Variants in BLM observed in about 807,000 individuals in gnomAD.
BLM encodes BLM RecQ like helicase.
In BLM, 95 loss-of-function variants were observed where a neutral mutation model predicts 135.3. The observed-to-expected ratio is 0.70, with a 90% confidence interval of 0.59 to 0.83. The LOEUF (loss-of-function observed/expected upper bound fraction) is 0.83, where lower values mean the gene tolerates loss of function less well. Ranked by LOEUF, BLM falls within the 40% of genes least tolerant of loss-of-function variation. BLM has a pLI of 0.00. For missense variants in BLM, 1,518 were observed against 1,663.9 expected, an observed-to-expected ratio of 0.91 and a Z score of 1.53; for synonymous variants, 520 against 589.2, an observed-to-expected ratio of 0.88 and a Z score of 1.70.
At chr15:90,737,278 T>G (rs961899326) in intron 1 of BLM, among the ~76,000 whole-genome samples, 2 of 152,110 alleles carry the variant, frequency 1.3e-5, no homozygotes, top group African/African-American at 4.8e-5. Flanking sequence ...TTTCTATGAA[T>G]TTTAAGATAG....
intron 1 of BLM, among the ~76,000 whole-genome samples, chr15:90,726,884 A>ATGGGG (rs1449362718): frequency 6.6e-6 from 1 of 152,200 alleles, no homozygotes; most frequent in Non-Finnish European, 1.5e-5. Context: ...ATAGTGCTGC[A>ATGGGG]GTAAGCATGG....
intron 9 of BLM, among the ~76,000 whole-genome samples, 191 bp from the exon 10 acceptor site, chr15:90,766,719 C>T (rs1025407843): frequency 6.6e-6 from 1 of 152,186 alleles, no homozygotes. Context: ...TGAGCCACCA[C>T]GCCCTGCCTG....
Position 90,760,209 on chromosome 15 carries a change from G to A in BLM, c.1150G>A (p.Asp384Asn), listed in dbSNP as rs1895934142. Residue 384 changes from aspartate (D) to asparagine (N), a missense_variant, in exon 6 of 22, where the codon GAT (aspartate) becomes AAT (asparagine). Physicochemically the swap from Asp to Asn is conservative, Grantham distance 23 (BLOSUM62 1). Around this residue, in one of 5 missense-constraint regions of BLM, gnomAD observed 724 missense variants for 756.9 expected, o/e 0.96. Transcript: ENST00000355112. ...GATGGAGCACATCTGTAAATTAATT[G>A]ATACTATTCCTGATGATAAACTGAA... ...HVMEHICKLIDTIPDDKLKLL... is the reference protein window; with the variant it reads ...HVMEHICKLINTIPDDKLKLL... 6.2e-7 allele frequency: 1 copy of A among 1,613,428 alleles called. No individual in the cohort carries two copies. Among genetic ancestry groups the A allele is most frequent in the Non-Finnish European group, 8.5e-7 (1 of 1,179,590 alleles).
At chr15:90,734,722 GAGAGAGAGAGACT>G (rs1895164769) in intron 1 of BLM, among the ~76,000 whole-genome samples, 1 of 150,058 alleles carries the variant, frequency 6.7e-6, no homozygotes, top group South Asian at 2.1e-4. Flanking sequence ...GAGAGAGAGA[GAGAGAGAGAGACT>G]TTATTCCTAA....
intron 18 of BLM, 111 bp from the exon 19 acceptor site, chr15:90,804,056 A>G (rs1172639641): frequency 9.7e-6 from 10 of 1,036,252 alleles, no homozygotes; most frequent in South Asian, 7.1e-5. Flanking sequence ...CACTATCTGC[A>G]TGACAGAATA....
intron 13 of BLM, among the ~76,000 whole-genome samples, chr15:90,783,168 A>G (rs893644172): frequency 2.1e-4 from 32 of 152,212 alleles, no homozygotes; most frequent in African/African-American, 7.2e-4. Flanking sequence ...CACGTATATT[A>G]TAACTTTTGG....
At chr15:90,736,119 C>T (rs985431236) in intron 1 of BLM, among the ~76,000 whole-genome samples, 3 of 152,182 alleles carry the variant, frequency 2.0e-5, no homozygotes, top group Non-Finnish European at 4.4e-5. Context: ...TCACAAGAAG[C>T]CCCATTGGTG....
At chr15:90,796,307 G>A (rs1357937286) in intron 16 of BLM, among the ~76,000 whole-genome samples, 2 of 152,144 alleles carry the variant, frequency 1.3e-5, no homozygotes, top group Non-Finnish European at 2.9e-5. Context: ...TTAAAGCATG[G>A]CCATCAGCTG....
In BLM at chr15:90,760,863, A is replaced by C. The variant is rs368547042; in HGVS notation, c.1490A>C (p.Gln497Pro). The change falls in exon 7 of 22, where the codon CAG (glutamine) becomes CCG (proline). Residue 497 changes from glutamine (Q) to proline (P), a missense_variant. By Grantham distance (76) the Gln-to-Pro change is moderately conservative. This residue lies in a region of BLM where 724 missense variants were observed against 756.9 expected (regional missense o/e 0.96). Coordinates refer to ENST00000355112, the MANE Select transcript of BLM (RefSeq NM_000057.4). ...FERPLFNTHLQKSFVSSNWAE... is the reference protein window; with the variant it reads ...FERPLFNTHLPKSFVSSNWAE... ...AGGCCTTTATTCAATACCCATTTACAGAAGTCCTTTGTAAGTAGCAACTGG... is the reference window on the plus strand; with the variant it reads ...AGGCCTTTATTCAATACCCATTTACCGAAGTCCTTTGTAAGTAGCAACTGG... The C allele has an allele frequency of 2.6e-5, 42 of 1,614,128 alleles. No homozygotes were observed. The Admixed American group carries it at 7.0e-4, about 27-fold the overall frequency.
At chr15:90,757,379 C>G (rs1377614385) in intron 5 of BLM, among the ~76,000 whole-genome samples, 1 of 152,148 alleles carries the variant, frequency 6.6e-6, no homozygotes, top group East Asian at 1.9e-4. Flanking sequence ...GACAAGGAGT[C>G]TTGGGCTAGT....
intron 15 of BLM, 134 bp from the exon 16 acceptor site, chr15:90,794,033 C>A: frequency 1.8e-6 from 1 of 552,538 alleles, no homozygotes; most frequent in South Asian, 3.3e-5. Context: ...TATAGAATGC[C>A]ATGTTGACAA....
At chr15:90,784,736 CCACAT>C (rs1896701539) in intron 13 of BLM, among the ~76,000 whole-genome samples, 180 bp from the exon 14 acceptor site, 1 of 151,986 alleles carries the variant, frequency 6.6e-6, no homozygotes, top group Admixed American at 6.6e-5. Context: ...GGATTAAAAG[CCACAT>C]CTCATTTCCA....
At chr15:90,807,394 T>G (rs1897308589) in intron 19 of BLM, among the ~76,000 whole-genome samples, 1 of 152,110 alleles carries the variant, frequency 6.6e-6, no homozygotes. Flanking sequence ...TGGGTTTTTT[T>G]TGTTTTGCTT....
chr15:90,779,445 A>G (rs146385308), intron 12 of BLM, among the ~76,000 whole-genome samples: 1 of 152,318 alleles, frequency 6.6e-6, no homozygotes, highest in African/African-American at 2.4e-5. Flanking sequence ...GGAGAGACTC[A>G]TGCACCGTTT....
At chr15:90,772,922 A>G (rs1596242110) in intron 12 of BLM, among the ~76,000 whole-genome samples, 2 of 150,864 alleles carry the variant, frequency 1.3e-5, no homozygotes, top group Non-Finnish European at 1.5e-5. Flanking sequence ...ACAAGGAGAA[A>G]CCCCGTCTCT....
intron 1 of BLM, among the ~76,000 whole-genome samples, chr15:90,730,742 G>A (rs991639827): frequency 2.0e-5 from 3 of 152,042 alleles, no homozygotes; most frequent in African/African-American, 2.4e-5. Flanking sequence ...CACCATGCCC[G>A]GCGTGATAAG....
chr15:90,719,508 C>T (rs1038303291), intron 1 of BLM, among the ~76,000 whole-genome samples: 4 of 152,092 alleles, frequency 2.6e-5, no homozygotes, highest in East Asian at 3.9e-4. Context: ...GGCTGAGGCA[C>T]GAGAATCGCT....
chr15:90,812,897 A>G (rs1300142656), intron 21 of BLM, among the ~76,000 whole-genome samples: 1 of 152,248 alleles, frequency 6.6e-6, no homozygotes. Context: ...GCAAGTGATC[A>G]GTAAGTGCTC....
rs138542210 is a variant in BLM, at chr15:90,749,446, T to A, written c.178T>A (p.Leu60Ile). ...TGTGTCAGTAGCAAAAACACCTGTA[T>A]TAAGAAATAAAGATGTTAATGTTAC... ...TNVSVAKTPV[L>I]RNKDVNVTED... The change falls in exon 3 of 22, where the codon TTA becomes ATA. Residue 60 changes from leucine (L) to isoleucine (I), a missense_variant. Around this residue, in one of 5 missense-constraint regions of BLM, gnomAD observed 724 missense variants for 756.9 expected, o/e 0.96. Transcript: ENST00000355112. The A allele has an allele frequency of 1.6e-4, 255 of 1,612,296 alleles. 2 individuals carry two copies. In the East Asian group the frequency reaches 5.5e-3, roughly 35 times the overall value.
Sources: gnomAD v4.1 joint callset for allele counts (sites outside exome capture counted in the v4.1 genomes callset) on GRCh38, gnomAD v4.1.1 for gene constraint, gnomAD v4.1.1 regional missense constraint, MANE v1.5 for transcripts, NCBI Gene and HGNC (gene_info 2026-07-23, HGNC 2026-07-21) for gene names.